Variants in CSMD1 observed in about 807,000 individuals in gnomAD.
The protein encoded by CSMD1 is CUB and Sushi multiple domains 1, also known as CUB and sushi domain-containing protein 1.
In CSMD1, 213 loss-of-function variants were observed where a neutral mutation model predicts 417.5. The ratio of observed to expected loss-of-function variants is 0.51; its 90% CI spans 0.46 to 0.57. The LOEUF (loss-of-function observed/expected upper bound fraction) is 0.57. Ranked by LOEUF, CSMD1 falls within the 20% of genes least tolerant of loss-of-function variation. The pLI, the probability that CSMD1 is intolerant of heterozygous loss-of-function variation, is 0.00. For synonymous variants in CSMD1, 2,862 were observed against 1,736.8 expected, an observed-to-expected ratio of 1.65 and a Z score of -16.11; for missense variants, 6,923 against 4,529.7, an observed-to-expected ratio of 1.53 and a Z score of -15.17.
At chr8:2,942,375 A>G in intron 69 of CSMD1, 97 bp downstream of exon 69, 1 of 1,062,468 alleles carries the variant, frequency 9.4e-7, no homozygotes, top group Non-Finnish European at 1.3e-6. Flanking sequence ...ATAGTAATAT[A>G]AAATACATGT....
chr8:4,024,508 A>C (rs908763812), intron 4 of CSMD1, among the ~76,000 whole-genome samples: 10 of 152,188 alleles, frequency 6.6e-5, no homozygotes, highest in African/African-American at 2.4e-4. Context: ...GACTTGTTAC[A>C]ATGTCCAAGT....
chr8:3,828,859 C>A (rs529628136), intron 5 of CSMD1, among the ~76,000 whole-genome samples: 1 of 152,178 alleles, frequency 6.6e-6, no homozygotes, highest in South Asian at 2.1e-4. Flanking sequence ...TTTGTCTTAT[C>A]TCTAGCCCCG....
intron 48 of CSMD1, among the ~76,000 whole-genome samples, chr8:3,090,073 G>C: frequency 6.6e-6 from 1 of 152,046 alleles, no homozygotes; most frequent in South Asian, 2.1e-4. Context: ...CCAGCACTTT[G>C]GGAGGCCGAG....
chr8:4,753,087 G>T (rs901858881), intron 1 of CSMD1, among the ~76,000 whole-genome samples: 2 of 152,120 alleles, frequency 1.3e-5, no homozygotes, highest in Non-Finnish European at 2.9e-5. Flanking sequence ...ATCCTTAAAA[G>T]ATGGATGCTA....
intron 3 of CSMD1, among the ~76,000 whole-genome samples, chr8:4,179,701 G>C (rs568832949): frequency 6.6e-6 from 1 of 151,848 alleles, no homozygotes; most frequent in Non-Finnish European, 1.5e-5. Flanking sequence ...CTAATATCCA[G>C]AATCTACAAT....
intron 3 of CSMD1, among the ~76,000 whole-genome samples, chr8:4,072,820 G>T (rs758927313): frequency 1.3e-5 from 2 of 152,120 alleles, no homozygotes; most frequent in Non-Finnish European, 2.9e-5. Flanking sequence ...TTTCAAGGCA[G>T]CCCAAAAGCC....
chr8:3,421,873 G>A (rs1813508738), intron 12 of CSMD1, among the ~76,000 whole-genome samples: 1 of 147,954 alleles, frequency 6.8e-6, no homozygotes, highest in African/African-American at 2.7e-5. Context: ...TCTAACTTCA[G>A]GCGATCCACC....
chr8:3,443,297 A>G (rs1393588434), intron 12 of CSMD1, among the ~76,000 whole-genome samples: 1 of 152,194 alleles, frequency 6.6e-6, no homozygotes, highest in Non-Finnish European at 1.5e-5. Flanking sequence ...TGGCCTCTCC[A>G]TCTACTCTGT....
intron 1 of CSMD1, among the ~76,000 whole-genome samples, chr8:4,667,163 A>T (rs1168221994): frequency 6.6e-6 from 1 of 152,114 alleles, no homozygotes; most frequent in Non-Finnish European, 1.5e-5. Context: ...TCGGCCACAT[A>T]TATGTAGGCC....
At chr8:4,900,127 T>C (rs1054694255) in intron 1 of CSMD1, among the ~76,000 whole-genome samples, 5 of 152,156 alleles carry the variant, frequency 3.3e-5, no homozygotes, top group Non-Finnish European at 5.9e-5. Context: ...CTGGCTTTTG[T>C]GTCTTCTTCA....
At chr8:4,398,591 TTCACCG>T (rs1804429562) in intron 3 of CSMD1, among the ~76,000 whole-genome samples, 1 of 151,864 alleles carries the variant, frequency 6.6e-6, no homozygotes, top group Non-Finnish European at 1.5e-5. Context: ...GAGACGGGGT[TTCACCG>T]TGTTAGCCAG....
intron 25 of CSMD1, among the ~76,000 whole-genome samples, chr8:3,292,150 TTTATC>T (rs1315830780): frequency 2.0e-5 from 3 of 152,368 alleles, no homozygotes; most frequent in East Asian, 3.9e-4. Flanking sequence ...AATGAGTTTC[TTTATC>T]TTGAGTTCTA....
chr8:3,633,758 C>T (rs1416475582), intron 7 of CSMD1, among the ~76,000 whole-genome samples: 3 of 152,100 alleles, frequency 2.0e-5, no homozygotes, highest in Non-Finnish European at 4.4e-5. Context: ...TCAGCAACCC[C>T]ATAGGCATTG....
intron 3 of CSMD1, among the ~76,000 whole-genome samples, chr8:4,228,167 C>T (rs191563937): frequency 2.0e-5 from 3 of 152,004 alleles, no homozygotes; most frequent in African/African-American, 7.3e-5. Context: ...AAGGAAACAC[C>T]CCCTCCACCC....
At chr8:3,616,659 T>C (rs1802153255) in intron 8 of CSMD1, 51 bp downstream of exon 8, 6 of 1,176,390 alleles carry the variant, frequency 5.1e-6, no homozygotes, top group Non-Finnish European at 7.5e-6. Context: ...GCTGAAATAA[T>C]ATATGTCTTA....
At chr8:4,993,785 G>C (rs1438822700) in intron 1 of CSMD1, among the ~76,000 whole-genome samples, 2 of 152,220 alleles carry the variant, frequency 1.3e-5, no homozygotes, top group Non-Finnish European at 2.9e-5. Context: ...GGACGTTGGA[G>C]AGGGAAGGAG....
chr8:3,458,960 G>A (rs1816322690), intron 12 of CSMD1, among the ~76,000 whole-genome samples: 1 of 152,216 alleles, frequency 6.6e-6, no homozygotes, highest in Non-Finnish European at 1.5e-5. Context: ...GAGCTGTCCA[G>A]GAGAGAGGTG....
intron 5 of CSMD1, among the ~76,000 whole-genome samples, chr8:3,904,935 C>A (rs1374384792): frequency 6.6e-6 from 1 of 152,120 alleles, no homozygotes; most frequent in African/African-American, 2.4e-5. Flanking sequence ...CTGCACCCAG[C>A]CCCAAAATAC....
chr8:3,746,191 G>C (rs528166783), intron 6 of CSMD1, among the ~76,000 whole-genome samples: 1 of 152,364 alleles, frequency 6.6e-6, no homozygotes, highest in South Asian at 2.1e-4. Flanking sequence ...AAGAATAGCA[G>C]TTTAGGACTG....
Sources: gnomAD v4.1 joint callset for allele counts (sites outside exome capture counted in the v4.1 genomes callset) on GRCh38, gnomAD v4.1.1 for gene constraint, MANE v1.5 for transcripts, NCBI Gene and HGNC (gene_info 2026-07-23, HGNC 2026-07-21) for gene names.